DIAPH2: variants seen among roughly 807,000 people sequenced by gnomAD.
DIAPH2 encodes the protein protein diaphanous homolog 2.
DIAPH2 carries 35 observed loss-of-function variants against 92.7 expected under a neutral mutation model. That is an observed-to-expected ratio of 0.38 (90% CI 0.29 to 0.50). The LOEUF is 0.50. Among genes scored for constraint, DIAPH2 ranks in the 20% least tolerant of loss-of-function variants. The pLI, the probability that DIAPH2 is intolerant of heterozygous loss-of-function variation, is 0.94. For missense variants in DIAPH2, 701 were observed against 819.5 expected, an observed-to-expected ratio of 0.86 and a Z score of 1.77; for synonymous variants, 301 against 280.4, an observed-to-expected ratio of 1.07 and a Z score of -0.73.
chrX:97,287,952 C>CAAAAAAAAAAAA (rs748309881), intron 23 of DIAPH2, among the ~76,000 whole-genome samples: 25 of 39,780 alleles, frequency 6.3e-4, no homozygotes, highest in African/African-American at 2.8e-3. Context: ...GACTCTGTCT[C>CAAAAAAAAAAAA]AAAAAAAAAA....
At chrX:97,219,399 C>G (rs2067907624) in intron 22 of DIAPH2, among the ~76,000 whole-genome samples, 1 of 111,594 alleles carries the variant, frequency 9.0e-6, no homozygotes, top group Non-Finnish European at 1.9e-5. Flanking sequence ...AAATTGTTGA[C>G]TCTGAAGTGA....
chrX:97,005,858 T>C (rs1362862579), intron 17 of DIAPH2, among the ~76,000 whole-genome samples: 1 of 110,512 alleles, frequency 9.0e-6, no homozygotes, highest in African/African-American at 3.3e-5. Flanking sequence ...AGTGGTTTGA[T>C]CTTGCTTTCC....
At chrX:97,525,011 A>G (rs1025222146) in intron 26 of DIAPH2, among the ~76,000 whole-genome samples, 1 of 112,034 alleles carries the variant, frequency 8.9e-6, no homozygotes, top group African/African-American at 3.2e-5. Context: ...TTCTTCTAAA[A>G]TCTATTCCGT....
chrX:96,931,615 AC>A (rs201575320), intron 10 of DIAPH2, among the ~76,000 whole-genome samples: 62 of 109,813 alleles, frequency 5.6e-4, no homozygotes, highest in African/African-American at 1.8e-3. Flanking sequence ...AGAGAAAAAA[AC>A]AACAACAACA....
At chrX:96,939,682 T>TTTTTTTTA (rs2065689976) in intron 12 of DIAPH2, among the ~76,000 whole-genome samples, 1 of 55,323 alleles carries the variant, frequency 1.8e-5, no homozygotes, top group Non-Finnish European at 3.4e-5. Context: ...TTTTTTTTTT[T>TTTTTTTTA]GAGACGGAGT....
At chrX:96,858,508 C>G (rs1019396813) in intron 4 of DIAPH2, among the ~76,000 whole-genome samples, 1 of 111,960 alleles carries the variant, frequency 8.9e-6, no homozygotes, top group Admixed American at 9.5e-5. Context: ...ATTGTGGTTC[C>G]AGGAGATCAG....
intron 22 of DIAPH2, among the ~76,000 whole-genome samples, chrX:97,244,064 C>T (rs2068119996): frequency 1.8e-5 from 2 of 111,524 alleles, no homozygotes; most frequent in South Asian, 7.5e-4. Context: ...TTATTCAAAG[C>T]AGAAGGTGAT....
At chrX:97,205,573 G>A (rs1300885013) in intron 22 of DIAPH2, among the ~76,000 whole-genome samples, 3 of 111,684 alleles carry the variant, frequency 2.7e-5, no homozygotes, top group Non-Finnish European at 3.8e-5. Flanking sequence ...CATCATAACT[G>A]GTCATTAGAG....
chrX:96,817,210 A>C lies in DIAPH2; in HGVS notation c.447+58952A>C, dbSNP rs182095712. Among the ~76,000 whole-genome samples, 42 of 112,115 alleles carry C rather than the reference A, an allele frequency of 3.7e-4. No homozygotes were observed. In the East Asian group the frequency reaches 0.011, roughly 30 times the overall value. ...TAATTGTACATTTTAAAATAACTAA[A>C]CTAACTAAACGTGTATAATTGGATT... On this transcript the variant is annotated intron_variant, in intron 4 of 26. Coordinates refer to ENST00000324765, the MANE Select transcript of DIAPH2 (RefSeq NM_006729.5).
chrX:96,933,235 A>AT (rs2147795598), intron 10 of DIAPH2, among the ~76,000 whole-genome samples: 1 of 111,146 alleles, frequency 9.0e-6, no homozygotes, highest in Admixed American at 9.5e-5. Flanking sequence ...GAAAAAAAAA[A>AT]TCCTCCGCAG....
chrX:97,239,302 A>G (rs1307036386), intron 22 of DIAPH2, among the ~76,000 whole-genome samples: 1 of 111,752 alleles, frequency 8.9e-6, no homozygotes, highest in East Asian at 2.8e-4. Flanking sequence ...TCTGTCATTT[A>G]AAATGTTTTG....
chrX:96,922,877 C>T (rs2065555353), intron 9 of DIAPH2, among the ~76,000 whole-genome samples: 1 of 111,811 alleles, frequency 8.9e-6, no homozygotes, highest in African/African-American at 3.2e-5. Context: ...GATATTTTAA[C>T]TAGGCCTCGA....
At position 96,751,791 on chromosome X, in the gene DIAPH2, C is replaced by G. The variant is rs1169022714; in HGVS notation, c.343-6363C>G. ...GCCTCAGCCTCCCAAGTAGCTGGGA[C>G]TACAGGCGCCCGCCACTACGCCCGG... On this transcript the variant is annotated intron_variant, in intron 3 of 26. Transcript: ENST00000324765. Among the ~76,000 whole-genome samples, 2 of 87,746 alleles carry G rather than the reference C, an allele frequency of 2.3e-5. 1 individual carries two copies. Among genetic ancestry groups the G allele is most frequent in the African/African-American group, 8.0e-5 (2 of 24,914 alleles). The allele number at this position is 87,746 out of a possible 115,157, so 76.2% of individuals were successfully genotyped here.
At chrX:97,588,508 T>G (rs1431489132) in intron 26 of DIAPH2, among the ~76,000 whole-genome samples, 1 of 110,748 alleles carries the variant, frequency 9.0e-6, no homozygotes, top group African/African-American at 3.3e-5. Context: ...ATCATTGAAG[T>G]AAAACTCTCT....
chrX:96,984,983 G>A lies in DIAPH2; in HGVS notation c.2050+19776G>A, dbSNP rs181327785. 3.6e-5 allele frequency among the ~76,000 whole-genome samples: 4 copies of A among 111,688 alleles called. No homozygotes were observed. The East Asian group carries it at 8.4e-4, about 23-fold the overall frequency. ...GATAACTGGGTCATGGGGAGATTAA[G>A]TGACTTAGCTAAAGGTTACAAGCGT... On this transcript the variant is annotated intron_variant, in intron 17 of 26. Transcript: ENST00000324765.
intron 26 of DIAPH2, among the ~76,000 whole-genome samples, chrX:97,540,267 T>G (rs2071129733): frequency 8.9e-6 from 1 of 111,934 alleles, no homozygotes; most frequent in Admixed American, 9.5e-5. Context: ...AAGGCTTAGA[T>G]GAATGGACAC....
intron 15 of DIAPH2, among the ~76,000 whole-genome samples, chrX:96,951,874 T>G (rs952821339): frequency 3.6e-5 from 4 of 111,704 alleles, no homozygotes; most frequent in Non-Finnish European, 7.5e-5. Context: ...TAATAGCATT[T>G]TGTGGTTGTA....
chrX:97,437,535 C>T (rs775195091), intron 26 of DIAPH2, among the ~76,000 whole-genome samples: 2 of 111,027 alleles, frequency 1.8e-5, no homozygotes, highest in Non-Finnish European at 3.8e-5. Flanking sequence ...GAGCAACTAA[C>T]CGCCTGGAGA....
intron 22 of DIAPH2, among the ~76,000 whole-genome samples, chrX:97,204,187 C>T (rs748838802): frequency 1.3e-4 from 14 of 111,819 alleles, no homozygotes; most frequent in Admixed American, 2.9e-4. Context: ...ATAGTAAGAG[C>T]TAATTATGAC....
Sources: gnomAD v4.1 joint callset for allele counts (sites outside exome capture counted in the v4.1 genomes callset) on GRCh38, gnomAD v4.1.1 for gene constraint, MANE v1.5 for transcripts, NCBI Gene and HGNC (gene_info 2026-07-23, HGNC 2026-07-21) for gene names.